Variants in TRPM3 observed in about 807,000 individuals in gnomAD.
The protein encoded by TRPM3 is transient receptor potential cation channel subfamily M member 3.
Under a neutral mutation model 181.2 loss-of-function variants are expected in TRPM3, and 77 were observed. That is an observed-to-expected ratio of 0.42 (90% CI 0.35 to 0.51). The LOEUF is 0.51. Ranked by LOEUF, TRPM3 falls within the 20% of genes least tolerant of loss-of-function variation. The pLI is 0.01. For synonymous variants in TRPM3, 745 were observed against 796.4 expected (o/e 0.94, Z 1.09); for missense variants, 1,759 against 2,196.7 (o/e 0.80, Z 3.98).
At chr9:70,668,422 T>G (rs545497196) in intron 9 of TRPM3, among the ~76,000 whole-genome samples, 2 of 152,180 alleles carry the variant, frequency 1.3e-5, no homozygotes, top group African/African-American at 4.8e-5. Flanking sequence ...CCCAGCACTT[T>G]GGGAGGCCGA....
intron 1 of TRPM3, among the ~76,000 whole-genome samples, chr9:71,299,724 T>C (rs1428145764): frequency 6.6e-6 from 1 of 152,148 alleles, no homozygotes; most frequent in Non-Finnish European, 1.5e-5. Flanking sequence ...AAACAAACTT[T>C]GTATCTTATT....
chr9:71,162,292 C>T (rs1416890628), intron 1 of TRPM3, among the ~76,000 whole-genome samples: 1 of 149,990 alleles, frequency 6.7e-6, no homozygotes, highest in Non-Finnish European at 1.5e-5. Flanking sequence ...TAATAAAATA[C>T]AATGCTTCCG....
At chr9:70,572,165 C>T (rs1314087537) in intron 22 of TRPM3, among the ~76,000 whole-genome samples, 2 of 150,850 alleles carry the variant, frequency 1.3e-5, no homozygotes, top group African/African-American at 4.9e-5. Context: ...GATTTTAAAT[C>T]TTTAGAAAAA....
At chr9:70,656,550 G>C (rs1186188866) in intron 9 of TRPM3, among the ~76,000 whole-genome samples, 1 of 152,156 alleles carries the variant, frequency 6.6e-6, no homozygotes, top group African/African-American at 2.4e-5. Context: ...CAGTTAATCA[G>C]ATCTTTTTCA....
At chr9:71,194,242 G>A (rs943935484) in intron 1 of TRPM3, among the ~76,000 whole-genome samples, 2 of 151,914 alleles carry the variant, frequency 1.3e-5, no homozygotes, top group African/African-American at 4.8e-5. Context: ...CTTGGGAAGA[G>A]GTAAGTGTGT....
At chr9:71,445,931 A>C (rs1468212313) in intron 1 of TRPM3, among the ~76,000 whole-genome samples, 1 of 152,202 alleles carries the variant, frequency 6.6e-6, no homozygotes, top group Admixed American at 6.5e-5. Flanking sequence ...AGGAAAACAT[A>C]ATATTCACAT....
At chr9:70,595,325 A>G (rs1333847728) in intron 21 of TRPM3, among the ~76,000 whole-genome samples, 2 of 152,232 alleles carry the variant, frequency 1.3e-5, no homozygotes, top group African/African-American at 4.8e-5. Flanking sequence ...ATGTAATCAC[A>G]GAATGCAGTA....
At chr9:70,876,278 T>TAC (rs990952943) in intron 1 of TRPM3, among the ~76,000 whole-genome samples, 2 of 149,252 alleles carry the variant, frequency 1.3e-5, no homozygotes, top group East Asian at 2.0e-4. Context: ...TATACATACA[T>TAC]ACACACACAC....
chr9:70,861,361 C>G (rs1010073510), intron 3 of TRPM3, among the ~76,000 whole-genome samples: 1 of 152,130 alleles, frequency 6.6e-6, no homozygotes. Flanking sequence ...GAGGGATGCT[C>G]TCACTTACAA....
chr9:70,993,358 G>A (rs201266861), intron 1 of TRPM3, among the ~76,000 whole-genome samples: 7 of 152,196 alleles, frequency 4.6e-5, no homozygotes, highest in East Asian at 1.9e-4. Context: ...GTATAGAATC[G>A]ATATGTATTC....
At chr9:71,328,365 A>G (rs1429577510) in intron 1 of TRPM3, among the ~76,000 whole-genome samples, 1 of 151,978 alleles carries the variant, frequency 6.6e-6, no homozygotes. Context: ...ACGGGGTTTC[A>G]CCGTGTTAGC....
chr9:71,051,958 A>G (rs2060114604), intron 1 of TRPM3, among the ~76,000 whole-genome samples: 1 of 152,132 alleles, frequency 6.6e-6, no homozygotes. Context: ...CGTATCTCGA[A>G]GAAAAGAAAA....
chr9:70,864,316 A>C, intron 2 of TRPM3, 116 bp downstream of exon 2: 1 of 671,832 alleles, frequency 1.5e-6, no homozygotes, highest in Non-Finnish European at 2.4e-6. Flanking sequence ...GTCCAGAAAC[A>C]ATATAAAAGA....
intron 6 of TRPM3, among the ~76,000 whole-genome samples, chr9:70,813,257 C>T (rs1250885861): frequency 6.6e-6 from 1 of 152,168 alleles, no homozygotes; most frequent in Non-Finnish European, 1.5e-5. Flanking sequence ...ATGGAATCAA[C>T]CCGGGTGCTC....
At chr9:71,205,184 G>A (rs538920000) in intron 1 of TRPM3, among the ~76,000 whole-genome samples, 2 of 152,040 alleles carry the variant, frequency 1.3e-5, no homozygotes, top group East Asian at 1.9e-4. Context: ...TGCATGTTGT[G>A]CACATGTACC....
chr9:70,902,276 G>T (rs553248396), intron 1 of TRPM3, among the ~76,000 whole-genome samples: 4 of 152,354 alleles, frequency 2.6e-5, no homozygotes, highest in Admixed American at 6.5e-5. Flanking sequence ...TCCAGCCCCA[G>T]TTGGGGCATG....
chr9:70,864,525 C>CA lies in TRPM3; in HGVS notation c.178-15dup, dbSNP rs71367234. On this transcript the variant is annotated splice_polypyrimidine_tract_variant and intron_variant, in intron 1 of 25. Coordinates refer to ENST00000677713, the MANE Select transcript of TRPM3 (RefSeq NM_001366145.2). ...GGATTTCTGAGCCTGAAAAAGAAAA[C>CA]AAAAAAAAAAAAAAAAGAAAAAAGA... 267,848 of 888,180 alleles carry CA rather than the reference C, an allele frequency of 0.3. 8,060 individuals are homozygous for CA. The highest frequency in any genetic ancestry group is 0.31 in the Non-Finnish European group (213,585 of 681,818). 55.0% of individuals were successfully genotyped at this position (888,180 alleles called of 1,614,324 possible).
intron 1 of TRPM3, among the ~76,000 whole-genome samples, chr9:70,966,130 C>A (rs1036371974): frequency 1.3e-5 from 2 of 150,526 alleles, no homozygotes; most frequent in Non-Finnish European, 3.0e-5. Context: ...ATGTGGCCAA[C>A]AAGCATATGA....
In TRPM3 at chr9:71,072,453, G is replaced by A. The variant is rs74997004; in HGVS notation, c.177+48725C>T. Among the ~76,000 whole-genome samples the A allele has an allele frequency of 4.9e-3, 750 of 152,144 alleles. 17 individuals are homozygous for A. In the East Asian group the frequency reaches 0.078, roughly 16 times the overall value. On this transcript the variant is annotated intron_variant, in intron 1 of 25. Transcript: ENST00000677713. ...CCAGATCTCCCATTTAAATCACCTA[G>A]TAAATACAATATTAACTCACTTAAT...
Sources: allele counts gnomAD v4.1 joint callset (sites outside exome capture counted in the v4.1 genomes callset), GRCh38; gene constraint gnomAD v4.1.1; transcripts MANE v1.5; gene names NCBI Gene and HGNC (gene_info 2026-07-23, HGNC 2026-07-21).